SECISBP2: variants seen among roughly 807,000 people sequenced by gnomAD.
SECISBP2 encodes the protein SECIS binding protein 2.
Under a neutral mutation model 98.2 loss-of-function variants are expected in SECISBP2, and 96 were observed. The ratio of observed to expected loss-of-function variants is 0.98; its 90% CI spans 0.83 to 1.16. SECISBP2 has a LOEUF of 1.16. Ranked by LOEUF, SECISBP2 falls within the 50% of genes most tolerant of loss-of-function variation. SECISBP2 has a pLI of 0.00. For missense variants in SECISBP2, 1,046 were observed against 1,022.9 expected (o/e 1.02, Z -0.31); for synonymous variants, 407 against 370.2 (o/e 1.10, Z -1.14).
chr9:89,357,614 G>A (rs769142941), intron 15 of SECISBP2, 49 bp downstream of exon 15: 45 of 1,609,040 alleles, frequency 2.8e-5, no homozygotes, highest in Non-Finnish European at 3.7e-5. Context: ...GTGGGAGGAA[G>A]TGGGGGCAGG....
chr9:89,330,908 T>C (rs1827643212), intron 5 of SECISBP2, among the ~76,000 whole-genome samples: 5 of 152,236 alleles, frequency 3.3e-5, no homozygotes, highest in Admixed American at 3.3e-4. Context: ...TTGTTACATG[T>C]GACTGTTAAT....
rs763443126 is a variant in SECISBP2, at chr9:89,358,061, G to A, written c.2331G>A (p.Leu777=). Residue 777 remains leucine, a synonymous_variant, in exon 16 of 17, where the codon CTG becomes CTA. Transcript: ENST00000375807. ...VAARQAYKTM[L]ENVQQELVGE... ...CCCGACAGGCGTACAAGACCATGCT[G>A]GAGAATGTGCAGCAGGAGCTGGTGG... is the stretch of plus-strand genomic sequence containing the variant. 2 of 1,613,824 alleles carry A rather than the reference G, an allele frequency of 1.2e-6. No homozygotes were observed. Among genetic ancestry groups the A allele is most frequent in the East Asian group, 2.2e-5 (1 of 44,878 alleles).
rs138425396 is a variant in SECISBP2, at chr9:89,328,531, G to A, written c.575-129G>A. On this transcript the variant is annotated intron_variant, in intron 4 of 16. Transcript: ENST00000375807. ...AGGAAGGTGAACAACACCGGTAAGA[G>A]TTACGGTGTTTTGACAACAACCTGT... The A allele has an allele frequency of 9.4e-5, 68 of 726,466 alleles. No homozygotes were observed. The East Asian group carries it at 1.8e-3, about 19-fold the overall frequency. The allele number at this position is 726,466 out of a possible 1,614,324, so 45.0% of individuals were successfully genotyped here.
rs543121015 is a variant in SECISBP2 at position 89,319,704 on chromosome 9, T to A, written c.89T>A (p.Leu30His). 2.5e-6 allele frequency: 4 copies of A among 1,614,188 alleles called. No homozygotes were observed. In the South Asian group the frequency reaches 4.4e-5, roughly 18 times the overall value. The change falls in exon 2 of 17, where the codon CTC becomes CAC. Residue 30 changes from leucine to histidine, a missense_variant. Transcript: ENST00000375807. ...VKPFVPRFAG[L>H]NVAWLESSEA... The stretch of plus-strand genomic sequence containing the variant: ...CCATTTGTCCCCAGATTTGCCGGGC[T>A]CAATGTGGCATGGTTAGAGTCCTCA...
chr9:89,366,957 ACG>A, the SECISBP2 span, among the ~76,000 whole-genome samples: 1 of 152,042 alleles, frequency 6.6e-6, no homozygotes, highest in Admixed American at 6.6e-5. Context: ...TAATCACCCA[ACG>A]CCCCATCATG....
intron 12 of SECISBP2, 123 bp downstream of exon 12, chr9:89,348,337 G>A: frequency 8.9e-6 from 10 of 1,124,472 alleles, no homozygotes; most frequent in Non-Finnish European, 1.3e-5. Context: ...GTGAAAGTGG[G>A]TCAGCATTGA....
chr9:89,330,451 C>A lies in SECISBP2; in HGVS notation c.801+1565C>A, dbSNP rs529495880. On this transcript the variant is annotated intron_variant, in intron 5 of 16. Transcript: ENST00000375807. ...GTAGAAAGAAGAAAGATAAAGAAAA[C>A]AGGCCTCACCCATTCGCTTTACCTC... 196 of 152,360 alleles carry A rather than the reference C, an allele frequency of 1.3e-3. 2 individuals are homozygous for A. Among genetic ancestry groups the A allele is most frequent in the African/African-American group, 4.5e-3 (188 of 41,580 alleles). 9.4% of individuals were successfully genotyped at this position (152,360 alleles called of 1,614,324 possible).
At position 89,318,529 on chromosome 9, in the gene SECISBP2, C is replaced by G; in HGVS notation, c.-48C>G. ...ACGCTTTGTCTGTCCGGCAAGCCGA[C>G]GGCCCGCTGCTGGCCTCCGTGACGC... On this transcript the variant is annotated 5_prime_UTR_variant, in exon 1 of 17. Coordinates refer to ENST00000375807, the MANE Select transcript of SECISBP2 (RefSeq NM_024077.5). 6.6e-7 allele frequency: 1 copy of G among 1,510,592 alleles called. No homozygotes were observed. Among genetic ancestry groups the G allele is most frequent in the Non-Finnish European group, 8.8e-7 (1 of 1,133,424 alleles). 93.6% of individuals were successfully genotyped at this position (1,510,592 alleles called of 1,614,324 possible).
At chr9:89,318,850 C>T (rs1587825852) in intron 1 of SECISBP2, 1 of 1,267,560 alleles carries the variant, frequency 7.9e-7, no homozygotes, top group Non-Finnish European at 9.9e-7. Context: ...GGTGCGATGT[C>T]ACCCAGCGCA....
intron 2 of SECISBP2, among the ~76,000 whole-genome samples, chr9:89,321,691 CTCT>C (rs1825836500): frequency 6.6e-6 from 1 of 152,110 alleles, no homozygotes; most frequent in African/African-American, 2.4e-5. Flanking sequence ...GTTTTCTTAA[CTCT>C]TCTTTTTTAG....
At chr9:89,331,916 G>C (rs1306913158) in intron 5 of SECISBP2, among the ~76,000 whole-genome samples, 1 of 152,176 alleles carries the variant, frequency 6.6e-6, no homozygotes, top group Non-Finnish European at 1.5e-5. Flanking sequence ...TATATCATAG[G>C]CAAAGAAGTA....
rs772475425 is a variant in SECISBP2 at position 89,358,190 on chromosome 9, C to T, written c.2460C>T (p.Tyr820=). ...TGAAAGAAAAAGAAGAGCCACACTA[C>T]AGTGAGTGCTTAAGGGAGAGTTGTG... ...PALKEKEEPH[Y]IEIWKKHLEA... Residue 820 remains tyrosine, a splice_region_variant and synonymous_variant, in exon 16 of 17, where the codon TAC becomes TAT. Coordinates refer to ENST00000375807, the MANE Select transcript of SECISBP2 (RefSeq NM_024077.5). The T allele has an allele frequency of 3.1e-6, 5 of 1,611,704 alleles. No individual in the cohort carries two copies. Among genetic ancestry groups the T allele is most frequent in the Non-Finnish European group, 4.2e-6 (5 of 1,179,026 alleles).
intron 14 of SECISBP2, among the ~76,000 whole-genome samples, chr9:89,351,109 G>A (rs1428837390): frequency 2.6e-5 from 4 of 152,202 alleles, no homozygotes; most frequent in Admixed American, 6.5e-5. Flanking sequence ...CTGGCATCAG[G>A]GAAAGACCTG....
chr9:89,341,386 G>C lies in SECISBP2; in HGVS notation c.1342G>C (p.Val448Leu), dbSNP rs139866436. The C allele has an allele frequency of 5.0e-6, 8 of 1,613,912 alleles. No individual in the cohort carries two copies. Reference sequence around the variant, plus strand: ...TAATGTAAAGAAGAGCCAGCTTCCAGTGCAGTTGGACTTGGGGGGCATGCT... The same window carrying C: ...TAATGTAAAGAAGAGCCAGCTTCCACTGCAGTTGGACTTGGGGGGCATGCT... The part of the protein sequence containing the change: ...KNNVKKSQLP[V>L]QLDLGGMLTA... The change falls in exon 10 of 17, where the codon GTG (valine) becomes CTG (leucine). Residue 448 changes from valine to leucine, a missense_variant. Physicochemically the swap from Val to Leu is conservative, Grantham distance 32. Coordinates refer to ENST00000375807, the MANE Select transcript of SECISBP2 (RefSeq NM_024077.5).
At chr9:89,327,410 T>A (rs930663232) in intron 4 of SECISBP2, among the ~76,000 whole-genome samples, 2 of 152,216 alleles carry the variant, frequency 1.3e-5, no homozygotes, top group African/African-American at 4.8e-5. Flanking sequence ...ACTTTATACA[T>A]TTTTAATTTT....
At chr9:89,321,793 G>A (rs973445724) in intron 2 of SECISBP2, among the ~76,000 whole-genome samples, 11 of 152,198 alleles carry the variant, frequency 7.2e-5, no homozygotes, top group Non-Finnish European at 1.3e-4. Flanking sequence ...GAGTTAGAAA[G>A]GAAAAGATCC....
chr9:89,350,700 G>A lies in SECISBP2; in HGVS notation c.1961G>A (p.Arg654His), dbSNP rs1288822124. The A allele has an allele frequency of 3.1e-6, 5 of 1,614,182 alleles. No individual in the cohort carries two copies. The African/African-American group carries it at 4.0e-5, about 13-fold the overall frequency. The stretch of plus-strand genomic sequence containing the variant: ...ACCGACCTACTCAAAGAACTGGTCC[G>A]TTTCCAAGACCGTATGTACCAGAAA... Reference protein sequence around the residue: ...CVTDLLKELVRFQDRMYQKDP... With the variant: ...CVTDLLKELVHFQDRMYQKDP... The change falls in exon 14 of 17, where the codon CGT becomes CAT. Residue 654 changes from arginine to histidine, a missense_variant. Coordinates refer to ENST00000375807, the MANE Select transcript of SECISBP2 (RefSeq NM_024077.5).
intron 4 of SECISBP2, 101 bp from the exon 5 acceptor site, chr9:89,328,559 C>T: frequency 2.4e-6 from 2 of 839,808 alleles, no homozygotes; most frequent in Admixed American, 1.9e-5. Context: ...CAACCTGTTG[C>T]ATCAATAGCA....
chr9:89,318,858 G>A (rs1825172430), intron 1 of SECISBP2: 1 of 1,264,562 alleles, frequency 7.9e-7, no homozygotes, highest in Non-Finnish European at 9.9e-7. Context: ...GTCACCCAGC[G>A]CAGTGACTGC....
Sources: allele counts gnomAD v4.1 joint callset (sites outside exome capture counted in the v4.1 genomes callset), GRCh38; gene constraint gnomAD v4.1.1; transcripts MANE v1.5; gene names NCBI Gene and HGNC (gene_info 2026-07-23, HGNC 2026-07-21).